The following PRKCB variants were observed in gnomAD, a reference collection of about 807,000 sequenced individuals.
The protein encoded by PRKCB is protein kinase C beta.
PRKCB carries 13 observed loss-of-function variants against 81.5 expected under a neutral mutation model. That is an observed-to-expected ratio of 0.16 (90% CI 0.10 to 0.25). The LOEUF is 0.25. Among genes scored for constraint, PRKCB ranks in the 10% least tolerant of loss-of-function variants. The probability of loss-of-function intolerance (pLI) is 1.00; values close to 1 mark genes in which losing one functional copy is unlikely to be tolerated. For synonymous variants in PRKCB, 335 were observed against 321.4 expected, an observed-to-expected ratio of 1.04 and a Z score of -0.45; for missense variants, 509 against 875.7, an observed-to-expected ratio of 0.58 and a Z score of 5.29.
chr16:24,182,873 T>TGTGTGTGTGTGTGTGTGTGTG (rs1555501178), intron 13 of PRKCB, among the ~76,000 whole-genome samples: 98 of 133,606 alleles, frequency 7.3e-4, no homozygotes, highest in African/African-American at 2.9e-3. Context: ...ACATTGTTTC[T>TGTGTGTGTGTGTGTGTGTGTG]TGTGTGTGTG....
chr16:24,019,554 G>C (rs547489976), intron 3 of PRKCB, among the ~76,000 whole-genome samples: 147 of 152,232 alleles, frequency 9.7e-4, no homozygotes, highest in African/African-American at 3.5e-3. Flanking sequence ...ACTTGAGCTT[G>C]AGCTCAGGCG....
At chr16:24,142,586 G>A (rs1008255272) in intron 9 of PRKCB, among the ~76,000 whole-genome samples, 3 of 152,194 alleles carry the variant, frequency 2.0e-5, no homozygotes, top group African/African-American at 4.8e-5. Context: ...GATTTAATTG[G>A]TCTAGAGTGT....
chr16:23,948,958 A>G (rs1437084948), intron 2 of PRKCB, among the ~76,000 whole-genome samples: 1 of 152,162 alleles, frequency 6.6e-6, no homozygotes, highest in Non-Finnish European at 1.5e-5. Flanking sequence ...GGGTTTCATG[A>G]GATCTACACC....
At chr16:23,875,204 A>AT (rs1369976178) in intron 2 of PRKCB, among the ~76,000 whole-genome samples, 8 of 151,648 alleles carry the variant, frequency 5.3e-5, no homozygotes, top group Admixed American at 1.3e-4. Context: ...CACCTGGCTA[A>AT]TTTTTTTGAA....
chr16:24,118,597 C>T (rs1011911028), intron 8 of PRKCB, among the ~76,000 whole-genome samples: 3 of 152,216 alleles, frequency 2.0e-5, no homozygotes, highest in African/African-American at 7.2e-5. Flanking sequence ...AGCCCAGAGT[C>T]TGGCTGCCAG....
At chr16:24,004,232 ATTGGATGAGCAAT>A (rs1965082859) in intron 3 of PRKCB, among the ~76,000 whole-genome samples, 1 of 152,160 alleles carries the variant, frequency 6.6e-6, no homozygotes, top group Admixed American at 6.5e-5. Context: ...AGACTATGAG[ATTGGATGAGCAAT>A]GTACAACTCT....
At chr16:23,867,047 TCCTTCTCTC>T (rs1962813969) in intron 2 of PRKCB, among the ~76,000 whole-genome samples, 1 of 89,252 alleles carries the variant, frequency 1.1e-5, no homozygotes, top group African/African-American at 5.1e-5. Flanking sequence ...CTTCCTTCCT[TCCTTCTCTC>T]TCTCTCTCTT....
intron 10 of PRKCB, among the ~76,000 whole-genome samples, chr16:24,160,637 A>G (rs969334696): frequency 1.3e-5 from 2 of 152,234 alleles, no homozygotes; most frequent in Admixed American, 1.3e-4. Context: ...ATGATGAGGT[A>G]CAAAACAGAT....
intron 2 of PRKCB, among the ~76,000 whole-genome samples, chr16:23,899,808 AATTTATTTATTTATTT>A (rs200198656): frequency 0.51 from 19,475 of 38,324 alleles, 7,759 homozygotes; most frequent in East Asian, 0.83. Context: ...CAGCAAATAA[AATTTATTTATTTATTT>A]ATTTATTTAT....
rs758470754 is a variant in PRKCB at position 23,882,031 on chromosome 16, TTC to T, written c.205+44626_205+44627del. ...CTTTCTTTCTTTCTTTCTTCCTTCC[TTC>T]CTTCCTTCCTTCCTTCCTTCCTTCT... On this transcript the variant is annotated intron_variant, in intron 2 of 16. Coordinates refer to ENST00000643927, the MANE Select transcript of PRKCB (RefSeq NM_002738.7). Among the ~76,000 whole-genome samples, 69 of 128,170 alleles carry T rather than the reference TTC, an allele frequency of 5.4e-4. 2 individuals are homozygous for T. The highest frequency in any genetic ancestry group is 6.8e-4 in the Non-Finnish European group (41 of 60,240). The allele number at this position is 128,170 out of a possible 152,430, so 84.1% of individuals were successfully genotyped here.
chr16:24,020,281 A>T (rs1203727707), intron 3 of PRKCB, among the ~76,000 whole-genome samples: 1 of 152,240 alleles, frequency 6.6e-6, no homozygotes, highest in East Asian at 1.9e-4. Context: ...ATTTTTAAAA[A>T]TAGGTTTATT....
Position 24,215,698 on chromosome 16 carries a change from A to G in PRKCB, c.*882A>G. 2.0e-6 allele frequency: 2 copies of G among 985,504 alleles called. No individual in the cohort carries two copies. Among genetic ancestry groups the G allele is most frequent in the Non-Finnish European group, 2.4e-6 (2 of 829,576 alleles). 61.0% of individuals were successfully genotyped at this position (985,504 alleles called of 1,614,324 possible). A position where few individuals can be genotyped will look rare whatever the true frequency, so the allele number is the denominator to read the frequency against. ...CTCACATTGTTACACATGCTTTAAAATATGTATTCAAATGTTATTAACCAC... is the reference window on the plus strand; with the variant it reads ...CTCACATTGTTACACATGCTTTAAAGTATGTATTCAAATGTTATTAACCAC... On this transcript the variant is annotated 3_prime_UTR_variant, in exon 17 of 17. Coordinates refer to ENST00000643927, the MANE Select transcript of PRKCB (RefSeq NM_002738.7).
At position 24,219,334 on chromosome 16, in the gene PRKCB, C is replaced by CTAGAT. The variant is rs3216342; in HGVS notation, c.*4518_*4519insTAGAT. The CTAGAT allele has an allele frequency of 0.39, 381,571 of 984,596 alleles. 74,949 individuals carry two copies. The highest frequency in any genetic ancestry group is 0.63 in the East Asian group (5,524 of 8,752). The allele number at this position is 984,596 out of a possible 1,614,324, so 61.0% of individuals were successfully genotyped here. ...GGTTTTCTCTCTTATAGTTTGTTGA[C>CTAGAT]ACATGCTAAAAATGTCTTTGGAGAG... On this transcript the variant is annotated 3_prime_UTR_variant, in exon 17 of 17. Transcript: ENST00000643927.
At chr16:24,131,815 C>T (rs1438558329) in intron 9 of PRKCB, among the ~76,000 whole-genome samples, 1 of 152,046 alleles carries the variant, frequency 6.6e-6, no homozygotes, top group African/African-American at 2.4e-5. Context: ...AGTACCTGAA[C>T]CACATTTGGT....
intron 3 of PRKCB, among the ~76,000 whole-genome samples, chr16:23,990,384 G>A (rs1036558334): frequency 6.6e-6 from 1 of 151,854 alleles, no homozygotes; most frequent in Non-Finnish European, 1.5e-5. Flanking sequence ...CGTGAACCTG[G>A]GAGGCAGAGC....
chr16:23,952,643 C>G (rs1319582872), intron 2 of PRKCB, among the ~76,000 whole-genome samples: 2 of 152,120 alleles, frequency 1.3e-5, no homozygotes, highest in African/African-American at 4.8e-5. Context: ...CCACGTGGTT[C>G]CCTGGTGTCC....
At position 24,215,648 on chromosome 16, in the gene PRKCB, G is replaced by GA. The variant is rs905047715; in HGVS notation, c.*841dup. The GA allele has an allele frequency of 1.5e-4, 137 of 916,758 alleles. No individual in the cohort carries two copies. Among genetic ancestry groups the GA allele is most frequent in the East Asian group, 7.4e-4 (6 of 8,160 alleles). The allele number at this position is 916,758 out of a possible 1,614,324, so 56.8% of individuals were successfully genotyped here. A position where few individuals can be genotyped will look rare whatever the true frequency, so the allele number is the denominator to read the frequency against. On this transcript the variant is annotated 3_prime_UTR_variant, in exon 17 of 17. Transcript: ENST00000643927. The stretch of plus-strand genomic sequence containing the variant: ...TGTTGTTGTTCAAATGCAAAAAAAA[G>GA]AAAAAAAAAGAAAAAAAAAGGTGAC...
chr16:23,999,864 G>C (rs2141829542), intron 3 of PRKCB, among the ~76,000 whole-genome samples: 1 of 152,314 alleles, frequency 6.6e-6, no homozygotes, highest in Non-Finnish European at 1.5e-5. Flanking sequence ...TCTGTGGATA[G>C]CTGGTTGGTT....
At chr16:24,172,037 C>T (rs1967449031) in intron 10 of PRKCB, 1 of 408,986 alleles carries the variant, frequency 2.4e-6, no homozygotes. Context: ...GCCACCATGC[C>T]TGGCCAAAGT....
Sources: allele counts gnomAD v4.1 joint callset (sites outside exome capture counted in the v4.1 genomes callset), GRCh38; gene constraint gnomAD v4.1.1; transcripts MANE v1.5; gene names NCBI Gene and HGNC (gene_info 2026-07-23, HGNC 2026-07-21).